INTS6: variants seen among roughly 807,000 people sequenced by gnomAD.
INTS6 encodes integrator complex subunit 6, also known as DEAD box protein.
INTS6 carries 16 observed loss-of-function variants against 104.9 expected under a neutral mutation model. The observed-to-expected ratio is 0.15, with a 90% CI of 0.10 to 0.23. The LOEUF is 0.23. Ranked by LOEUF, INTS6 falls within the 10% of genes least tolerant of loss-of-function variation. INTS6 has a pLI of 1.00. For missense variants in INTS6, 584 were observed against 1,062.8 expected, an observed-to-expected ratio of 0.55 and a Z score of 6.26; for synonymous variants, 324 against 358.7, an observed-to-expected ratio of 0.90 and a Z score of 1.09.
intron 7 of INTS6, chr13:51,384,570 T>C: frequency 2.2e-6 from 1 of 454,768 alleles, no homozygotes; most frequent in South Asian, 1.6e-5. Context: ...AGACATAACC[T>C]GAATCTTCCA....
At chr13:51,449,692 T>G (rs1485205367) in intron 3 of INTS6, 1 of 985,190 alleles carries the variant, frequency 1.0e-6, no homozygotes, top group Non-Finnish European at 1.2e-6. Context: ...GCAGTAAGAC[T>G]GTGTTGCACT....
intron 4 of INTS6, among the ~76,000 whole-genome samples, chr13:51,420,542 T>C (rs1302979408): frequency 6.6e-6 from 1 of 152,098 alleles, no homozygotes; most frequent in Non-Finnish European, 1.5e-5. Context: ...ATTGAAATGA[T>C]GCAGGTAGTA....
chr13:51,338,480 TGGATGGATGCAC>T, the INTS6 span, among the ~76,000 whole-genome samples: 1 of 151,884 alleles, frequency 6.6e-6, no homozygotes, highest in Admixed American at 6.6e-5. Context: ...GATGGATGGA[TGGATGGATGCAC>T]GGACAGACGG....
chr13:51,406,825 A>T (rs1159844021), intron 4 of INTS6, among the ~76,000 whole-genome samples: 1 of 151,958 alleles, frequency 6.6e-6, no homozygotes, highest in African/African-American at 2.4e-5. Context: ...GGCTGCATGT[A>T]GCCCAGTATG....
intron 5 of INTS6, among the ~76,000 whole-genome samples, chr13:51,392,279 A>G (rs1956257627): frequency 6.6e-6 from 1 of 152,240 alleles, no homozygotes; most frequent in Admixed American, 6.5e-5. Flanking sequence ...GAGCCATTCA[A>G]TATTTGGCCT....
intron 4 of INTS6, among the ~76,000 whole-genome samples, chr13:51,411,087 C>T (rs897467396): frequency 6.6e-6 from 1 of 151,726 alleles, no homozygotes; most frequent in Admixed American, 6.6e-5. Flanking sequence ...GTGGCGGGTG[C>T]CCGTAATCCT....
In INTS6 at chr13:51,363,254, CTCAGTAATCAGAATGAA is replaced by C; in HGVS notation, c.*2481_*2497del. On this transcript the variant is annotated 3_prime_UTR_variant, in exon 18 of 18. Coordinates refer to ENST00000311234, the MANE Select transcript of INTS6 (RefSeq NM_012141.3). ...CAATGGTAGGAGTTTTCAGAACTGC[CTCAGTAATCAGAATGAA>C]AATATAAGGATAATCCAAAACCAGT... The C allele has an allele frequency of 2.0e-5, 3 of 151,868 alleles. No individual in the cohort carries two copies. The highest frequency in any genetic ancestry group is 2.9e-5 in the Non-Finnish European group (2 of 67,888). The allele number at this position is 151,868 out of a possible 1,614,324, so 9.4% of individuals were successfully genotyped here. A position where few individuals can be genotyped will look rare whatever the true frequency, so the allele number is the denominator to read the frequency against.
chr13:51,426,305 C>T (rs1593748836), intron 4 of INTS6, among the ~76,000 whole-genome samples: 1 of 152,174 alleles, frequency 6.6e-6, no homozygotes, highest in Admixed American at 6.5e-5. Flanking sequence ...CCTATACATA[C>T]TTAGCCAGGT....
chr13:51,400,957 T>C (rs1170186690), intron 4 of INTS6, among the ~76,000 whole-genome samples: 2 of 152,188 alleles, frequency 1.3e-5, no homozygotes, highest in Non-Finnish European at 2.9e-5. Context: ...TATTCCTTAT[T>C]CTTATCCAAA....
chr13:51,381,069 ATTATTCC>A (rs1352441386), intron 10 of INTS6, among the ~76,000 whole-genome samples: 1 of 152,180 alleles, frequency 6.6e-6, no homozygotes, highest in Non-Finnish European at 1.5e-5. Flanking sequence ...TTTCCTTGAC[ATTATTCC>A]TTAAACAATA....
chr13:51,383,093 C>T (rs28694469), intron 9 of INTS6, among the ~76,000 whole-genome samples: 1 of 116,924 alleles, frequency 8.6e-6, no homozygotes, highest in African/African-American at 2.6e-5. Flanking sequence ...CCCTCCCCCA[C>T]CCCCCCGCAA....
At chr13:51,450,272 G>A in intron 3 of INTS6, 1 of 984,704 alleles carries the variant, frequency 1.0e-6, no homozygotes, top group Non-Finnish European at 1.2e-6. Flanking sequence ...ATCATAAAAT[G>A]TTACAATAGA....
the INTS6 span, among the ~76,000 whole-genome samples, chr13:51,344,693 T>C: frequency 6.6e-6 from 1 of 151,566 alleles, no homozygotes; most frequent in Non-Finnish European, 1.5e-5. Flanking sequence ...CCCACACAAA[T>C]ATACACATGG....
chr13:51,426,105 G>A (rs1296179231), intron 4 of INTS6, among the ~76,000 whole-genome samples: 2 of 151,896 alleles, frequency 1.3e-5, no homozygotes, highest in Admixed American at 6.6e-5. Context: ...TATTAAATGA[G>A]GCCCAAGGAT....
At chr13:51,376,279 G>T in intron 12 of INTS6, 105 bp from the exon 13 acceptor site, 3 of 809,410 alleles carry the variant, frequency 3.7e-6, no homozygotes, top group South Asian at 3.2e-5. Context: ...TATATAAACT[G>T]GTTAGCTTAA....
chr13:51,429,763 CAA>C (rs35873020), intron 4 of INTS6, among the ~76,000 whole-genome samples: 15 of 27,078 alleles, frequency 5.5e-4, no homozygotes, highest in South Asian at 2.7e-3. Context: ...GACTCTGTCT[CAA>C]AAAAAAAAAA....
At position 51,406,763 on chromosome 13, in the gene INTS6, G is replaced by A. The variant is rs116972529; in HGVS notation, c.430-11280C>T. Among the ~76,000 whole-genome samples, 1,288 of 152,174 alleles carry A rather than the reference G, an allele frequency of 8.5e-3. 16 individuals are homozygous for A. The highest frequency in any genetic ancestry group is 0.045 in the South Asian group (216 of 4,820). On this transcript the variant is annotated intron_variant, in intron 4 of 17. Coordinates refer to ENST00000311234, the MANE Select transcript of INTS6 (RefSeq NM_012141.3). ...AACCTTCTTTTCCATCTTGTACTAC[G>A]ATCCCTCTTCTTTTATGCTCTAAGC...
chr13:51,452,165 G>T lies in INTS6; in HGVS notation c.112-110C>A. The T allele has an allele frequency of 9.8e-7, 1 of 1,023,296 alleles. No individual in the cohort carries two copies. The highest frequency in any genetic ancestry group is 1.5e-6 in the Non-Finnish European group (1 of 685,394). The allele number at this position is 1,023,296 out of a possible 1,614,324, so 63.4% of individuals were successfully genotyped here. The stretch of plus-strand genomic sequence containing the variant: ...CCGCCGCCCCCACAGTACCGCACAC[G>T]CAGCGGCCACCCCTCCACGCCGTCC... On this transcript the variant is annotated intron_variant, in intron 1 of 17. Coordinates refer to ENST00000311234, the MANE Select transcript of INTS6 (RefSeq NM_012141.3). This position sits in a 1 kb window ranked among gnomAD's most constrained non-coding sequence, Gnocchi z 4.2.
downstream of INTS6, among the ~76,000 whole-genome samples, chr13:51,360,957 C>A (rs1025652660): frequency 1.3e-5 from 2 of 151,990 alleles, no homozygotes; most frequent in African/African-American, 4.8e-5. Flanking sequence ...GTAGTTTTAA[C>A]TAGAATCATT....
Sources: allele counts gnomAD v4.1 joint callset (sites outside exome capture counted in the v4.1 genomes callset), GRCh38; gene constraint gnomAD v4.1.1; non-coding constraint Gnocchi (gnomAD v3.1); transcripts MANE v1.5; gene names NCBI Gene and HGNC (gene_info 2026-07-23, HGNC 2026-07-21).